PXDNL: variants seen among roughly 807,000 people sequenced by gnomAD.
The protein encoded by PXDNL is probable oxidoreductase PXDNL.
In PXDNL, 145 loss-of-function variants were observed where a neutral mutation model predicts 150.8. The observed-to-expected ratio is 0.96, with a 90% CI of 0.84 to 1.10. The LOEUF (loss-of-function observed/expected upper bound fraction) is 1.10. PXDNL is among the 50% of genes least tolerant of loss of function. The probability of loss-of-function intolerance (pLI) is 0.00; values close to 1 mark genes in which losing one functional copy is unlikely to be tolerated. For missense variants in PXDNL, 2,087 were observed against 1,873.9 expected (o/e 1.11, Z -2.10); for synonymous variants, 757 against 725.7 (o/e 1.04, Z -0.69).
chr8:51,377,302 G>A lies in PXDNL; in HGVS notation c.3558-2571C>T, dbSNP rs555533423. Among the ~76,000 whole-genome samples the A allele has an allele frequency of 7.9e-5, 12 of 151,552 alleles. No homozygotes were observed. In the South Asian group the frequency reaches 1.5e-3, roughly 18 times the overall value. On this transcript the variant is annotated intron_variant, in intron 17 of 22. Coordinates refer to ENST00000356297, the MANE Select transcript of PXDNL (RefSeq NM_144651.5). ...TTAAGAGACAGGGTCTCACTTTCTC[G>A]CCCATGCTGGACTGCAGTGGTGCAA...
intron 1 of PXDNL, among the ~76,000 whole-genome samples, chr8:51,801,696 G>C (rs2037622749): frequency 6.6e-6 from 1 of 152,162 alleles, no homozygotes; most frequent in South Asian, 2.1e-4. Context: ...AAGCCCATTT[G>C]GGTTCCTGCC....
intron 1 of PXDNL, among the ~76,000 whole-genome samples, chr8:51,707,902 C>T (rs767569759): frequency 1.3e-5 from 2 of 152,020 alleles, no homozygotes; most frequent in Non-Finnish European, 2.9e-5. Context: ...TGTGCGCGTG[C>T]ATACATATAT....
At chr8:51,487,722 CT>C (rs777169501) in intron 5 of PXDNL, among the ~76,000 whole-genome samples, 37 of 152,136 alleles carry the variant, frequency 2.4e-4, no homozygotes, top group Non-Finnish European at 3.7e-4. Context: ...GAAAACCTAA[CT>C]TGGTAAAGTG....
chr8:51,335,667 G>A (rs181987280), intron 21 of PXDNL, among the ~76,000 whole-genome samples: 73 of 138,786 alleles, frequency 5.3e-4, no homozygotes, highest in African/African-American at 2.0e-3. Flanking sequence ...TCATCTCATT[G>A]TTCATTATAT....
rs112311450 is a variant in PXDNL at position 51,471,386 on chromosome 8, T to C, written c.812+801A>G. On this transcript the variant is annotated intron_variant, in intron 8 of 22. Transcript: ENST00000356297. Reference sequence around the variant, plus strand: ...CACAGGTTTTTGGACTCATTGGTTTTATGTTTTATCAAACAGTACCATGGG... The same window carrying C: ...CACAGGTTTTTGGACTCATTGGTTTCATGTTTTATCAAACAGTACCATGGG... Among the ~76,000 whole-genome samples, 1,360 of 152,330 alleles carry C rather than the reference T, an allele frequency of 8.9e-3. 10 individuals are homozygous for C. Among genetic ancestry groups the C allele is most frequent in the African/African-American group, 0.031 (1,303 of 41,580 alleles).
At chr8:51,409,625 C>A in intron 16 of PXDNL, 64 bp from the exon 17 acceptor site, 2 of 1,397,030 alleles carry the variant, frequency 1.4e-6, no homozygotes, top group Non-Finnish European at 1.9e-6. Flanking sequence ...CAACTTGGAA[C>A]TCCAGATGCT....
intron 8 of PXDNL, among the ~76,000 whole-genome samples, chr8:51,458,714 C>G (rs1262664123): frequency 1.3e-5 from 2 of 152,122 alleles, no homozygotes; most frequent in Non-Finnish European, 2.9e-5. Flanking sequence ...AAAATGTACC[C>G]ACACTAAAGA....
At chr8:51,636,393 T>C (rs1338092420) in intron 2 of PXDNL, among the ~76,000 whole-genome samples, 1 of 152,034 alleles carries the variant, frequency 6.6e-6, no homozygotes, top group Non-Finnish European at 1.5e-5. Context: ...AACTGGAAAA[T>C]AAGAAGTAAA....
At chr8:51,503,517 C>T (rs1307919155) in intron 4 of PXDNL, among the ~76,000 whole-genome samples, 1 of 152,150 alleles carries the variant, frequency 6.6e-6, no homozygotes, top group African/African-American at 2.4e-5. Context: ...CTTTGATCTC[C>T]ACTCCCTTCT....
At chr8:51,644,624 T>TG (rs1814876920) in intron 2 of PXDNL, among the ~76,000 whole-genome samples, 5 of 698 alleles carry the variant, frequency 7.2e-3, no homozygotes, top group Non-Finnish European at 0.015. Context: ...CGCGCCCAGC[T>TG]ATTTTTGTAT....
intron 9 of PXDNL, among the ~76,000 whole-genome samples, chr8:51,454,877 C>A (rs937066418): frequency 4.6e-5 from 7 of 152,088 alleles, no homozygotes; most frequent in African/African-American, 1.7e-4. Flanking sequence ...ATCTGTAAAA[C>A]CACAACATGC....
intron 1 of PXDNL, among the ~76,000 whole-genome samples, chr8:51,680,451 A>G (rs775221081): frequency 2.0e-5 from 3 of 152,244 alleles, no homozygotes; most frequent in Non-Finnish European, 4.4e-5. Context: ...GGTGTATTAC[A>G]GAGAAAAAAA....
chr8:51,344,913 C>T (rs529759246), intron 20 of PXDNL, among the ~76,000 whole-genome samples: 23 of 152,300 alleles, frequency 1.5e-4, no homozygotes, highest in Admixed American at 4.6e-4. Flanking sequence ...ATGTGCCTGA[C>T]TCTAAAGCCT....
intron 1 of PXDNL, among the ~76,000 whole-genome samples, chr8:51,780,659 T>C (rs1306671005): frequency 7.4e-5 from 10 of 134,518 alleles, no homozygotes; most frequent in East Asian, 2.1e-4. Context: ...CTTTTCTTTT[T>C]TTTTTTTTTT....
chr8:51,499,862 G>C (rs974239351), intron 4 of PXDNL, 92 bp from the exon 5 acceptor site: 1 of 809,870 alleles, frequency 1.2e-6, no homozygotes, highest in Non-Finnish European at 2.2e-6. Context: ...CTGAAATTAT[G>C]AATTTCACTG....
At chr8:51,355,390 T>A (rs996895864) in intron 19 of PXDNL, among the ~76,000 whole-genome samples, 1 of 152,214 alleles carries the variant, frequency 6.6e-6, no homozygotes, top group Admixed American at 6.5e-5. Flanking sequence ...AAGACAGAAC[T>A]TAATGTGACG....
chr8:51,538,035 A>T (rs1353452730), intron 4 of PXDNL, among the ~76,000 whole-genome samples: 1 of 152,212 alleles, frequency 6.6e-6, no homozygotes, highest in African/African-American at 2.4e-5. Flanking sequence ...TGTTACAAAG[A>T]ATTGCATAAT....
chr8:51,594,276 C>T (rs1813515375), intron 2 of PXDNL, among the ~76,000 whole-genome samples: 1 of 152,088 alleles, frequency 6.6e-6, no homozygotes, highest in South Asian at 2.1e-4. Flanking sequence ...TAGTCTCAAC[C>T]TCATATTAAT....
intron 2 of PXDNL, among the ~76,000 whole-genome samples, chr8:51,608,708 G>GCACA (rs1585618285): frequency 6.6e-6 from 1 of 151,016 alleles, no homozygotes; most frequent in East Asian, 2.0e-4. Flanking sequence ...GTGGTGGTGG[G>GCACA]TGCCTGTAGT....
Sources: allele counts gnomAD v4.1 joint callset (sites outside exome capture counted in the v4.1 genomes callset), GRCh38; gene constraint gnomAD v4.1.1; transcripts MANE v1.5; gene names NCBI Gene and HGNC (gene_info 2026-07-23, HGNC 2026-07-21).